The following MED13L variants were observed in gnomAD, a reference collection of about 807,000 sequenced individuals.
MED13L encodes mediator complex subunit 13L.
In MED13L, 7 loss-of-function variants were observed where a neutral mutation model predicts 220.9. The ratio of observed to expected loss-of-function variants is 0.03; its 90% CI spans 0.02 to 0.06. The LOEUF (loss-of-function observed/expected upper bound fraction) is 0.06, where lower values mean the gene tolerates loss of function less well. Ranked by LOEUF, MED13L falls within the 10% of genes least tolerant of loss-of-function variation. The pLI, the probability that MED13L is intolerant of heterozygous loss-of-function variation, is 1.00. For synonymous variants in MED13L, 1,011 were observed against 1,015.2 expected, an observed-to-expected ratio of 1.00 and a Z score of 0.08; for missense variants, 1,965 against 2,760.5, an observed-to-expected ratio of 0.71 and a Z score of 6.46.
In MED13L at chr12:116,060,885, A is replaced by G. The variant is rs529351384; in HGVS notation, c.479+35784T>C. The stretch of plus-strand genomic sequence containing the variant: ...ACTAAAGATAAATGGAAGTGAAAGC[A>G]ATGAGATGAGAAGGAAGTTATGACA... On this transcript the variant is annotated intron_variant, in intron 4 of 30. Coordinates refer to ENST00000281928, the MANE Select transcript of MED13L (RefSeq NM_015335.5). Among the ~76,000 whole-genome samples, 3 of 152,200 alleles carry G rather than the reference A, an allele frequency of 2.0e-5. No homozygotes were observed. In the South Asian group the frequency reaches 6.2e-4, roughly 32 times the overall value.
chr12:116,114,143 C>T (rs189244548), intron 2 of MED13L, among the ~76,000 whole-genome samples: 294 of 152,150 alleles, frequency 1.9e-3, no homozygotes, highest in Non-Finnish European at 3.3e-3. Flanking sequence ...GTGAAGAAAC[C>T]AGGTTACCTG....
At chr12:116,087,072 T>C (rs893269996) in intron 4 of MED13L, among the ~76,000 whole-genome samples, 2 of 152,204 alleles carry the variant, frequency 1.3e-5, no homozygotes, top group Non-Finnish European at 2.9e-5. Flanking sequence ...TTCACAAATA[T>C]TTGATTGGCA....
At chr12:116,171,846 A>G (rs1748430072) in intron 2 of MED13L, among the ~76,000 whole-genome samples, 1 of 152,156 alleles carries the variant, frequency 6.6e-6, no homozygotes, top group African/African-American at 2.4e-5. Context: ...AAAAACCTCA[A>G]TGCAGGACTT....
intron 1 of MED13L, among the ~76,000 whole-genome samples, chr12:116,262,712 C>A (rs905455381): frequency 6.6e-6 from 1 of 152,132 alleles, no homozygotes; most frequent in Non-Finnish European, 1.5e-5. Flanking sequence ...CTAAAGTCAG[C>A]TTATTAGCTT....
intron 2 of MED13L, among the ~76,000 whole-genome samples, chr12:116,136,597 G>A (rs1443177357): frequency 1.3e-5 from 2 of 152,180 alleles, no homozygotes; most frequent in African/African-American, 2.4e-5. Flanking sequence ...GAACAGGCAA[G>A]CCAAAATTAA....
intron 19 of MED13L, 146 bp from the exon 20 acceptor site, chr12:115,984,518 AC>A: frequency 2.3e-6 from 2 of 860,472 alleles, no homozygotes; most frequent in Non-Finnish European, 3.6e-6. Flanking sequence ...AACCAACATT[AC>A]AAGTTGGTCC....
At chr12:116,217,445 A>G (rs574700780) in intron 2 of MED13L, among the ~76,000 whole-genome samples, 9 of 152,336 alleles carry the variant, frequency 5.9e-5, no homozygotes, top group Admixed American at 5.9e-4. Flanking sequence ...AGTTTCAAAC[A>G]GGATTGGTAA....
chr12:116,209,845 T>C (rs1444518077), intron 2 of MED13L, among the ~76,000 whole-genome samples: 3 of 152,198 alleles, frequency 2.0e-5, no homozygotes, highest in African/African-American at 7.2e-5. Context: ...TTCTGCTCTG[T>C]CTTACCCTAT....
Position 115,968,068 on chromosome 12 carries a change from G to A in MED13L, c.6225+872C>T, listed in dbSNP as rs1464058780. On this transcript the variant is annotated intron_variant, in intron 28 of 30. Coordinates refer to ENST00000281928, the MANE Select transcript of MED13L (RefSeq NM_015335.5). ...GGAATAAAAGTCCCCCCCCCCCCCC[G>A]ATGAAAACTGAAGTCCTTTATGTCC... Among the ~76,000 whole-genome samples the A allele has an allele frequency of 1.2e-3, 13 of 11,186 alleles. 4 individuals carry two copies. Among genetic ancestry groups the A allele is most frequent in the South Asian group, 3.0e-3 (1 of 336 alleles). 7.3% of individuals were successfully genotyped at this position (11,186 alleles called of 152,430 possible).
chr12:116,109,082 TTTTTTG>T (rs1233408324), intron 3 of MED13L, among the ~76,000 whole-genome samples: 71 of 83,716 alleles, frequency 8.5e-4, no homozygotes, highest in African/African-American at 3.5e-3. Flanking sequence ...TTTTTTTTTT[TTTTTTG>T]GAAACAGGGT....
At chr12:116,037,526 T>C (rs1347092585) in intron 4 of MED13L, among the ~76,000 whole-genome samples, 1 of 152,194 alleles carries the variant, frequency 6.6e-6, no homozygotes, top group Non-Finnish European at 1.5e-5. Context: ...GCATTTCAGA[T>C]ATGGGATACT....
chr12:116,098,428 C>T (rs778988990), intron 3 of MED13L, among the ~76,000 whole-genome samples: 8 of 152,060 alleles, frequency 5.3e-5, no homozygotes, highest in Non-Finnish European at 1.0e-4. Context: ...ATACAGGGTC[C>T]TACCTACCAG....
chr12:115,972,296 G>A (rs913117424), intron 25 of MED13L, 60 bp from the exon 26 acceptor site: 3 of 1,594,402 alleles, frequency 1.9e-6, no homozygotes, highest in South Asian at 1.1e-5. Flanking sequence ...TGGGAGATTT[G>A]AGCTTTTTAG....
intron 28 of MED13L, 144 bp from the exon 29 acceptor site, chr12:115,966,387 G>GT: frequency 1.1e-6 from 1 of 934,156 alleles, no homozygotes; most frequent in South Asian, 1.4e-5. Context: ...ACTGAGAAAG[G>GT]TAAGCGGGGC....
intron 1 of MED13L, among the ~76,000 whole-genome samples, chr12:116,266,224 C>T (rs1158615928): frequency 6.6e-6 from 1 of 152,190 alleles, no homozygotes; most frequent in Non-Finnish European, 1.5e-5. Flanking sequence ...CAGAAGTCCT[C>T]ATTTAGCAAA....
Position 115,991,825 on chromosome 12 carries a change from G to C in MED13L, c.3129C>G (p.Thr1043=), listed in dbSNP as rs1157981828. ...SGAGVLPSPA[T]PRFSVPTPRT... The stretch of plus-strand genomic sequence containing the variant: ...GTGGTGTGGGGACAGAGAAGCGAGG[G>C]GTTGCTGGAGATGGTAGGACTCCTG... The change falls in exon 17 of 31, where the codon ACC becomes ACG. Residue 1043 remains threonine (T), a synonymous_variant. Coordinates refer to ENST00000281928, the MANE Select transcript of MED13L (RefSeq NM_015335.5). The surrounding 1 kb of genome is among the most constrained non-coding windows in gnomAD (Gnocchi z 7.7). The C allele has an allele frequency of 1.9e-6, 3 of 1,612,544 alleles. No homozygotes were observed. The highest frequency in any genetic ancestry group is 1.3e-5 in the African/African-American group (1 of 74,856).
intron 2 of MED13L, among the ~76,000 whole-genome samples, chr12:116,209,195 A>C (rs958082092): frequency 3.9e-5 from 6 of 152,174 alleles, no homozygotes; most frequent in African/African-American, 1.2e-4. Flanking sequence ...ATGGTTTTTT[A>C]AATTGCCAAC....
chr12:116,130,753 TTCAG>T (rs923167107), intron 2 of MED13L, among the ~76,000 whole-genome samples: 8 of 152,152 alleles, frequency 5.3e-5, no homozygotes, highest in African/African-American at 1.4e-4. Flanking sequence ...AATACTGGCA[TTCAG>T]TAAGTAGCTG....
At chr12:116,028,769 T>C (rs548999205) in intron 4 of MED13L, among the ~76,000 whole-genome samples, 64 of 152,298 alleles carry the variant, frequency 4.2e-4, no homozygotes, top group African/African-American at 1.4e-3. Flanking sequence ...ACTTGACAAG[T>C]ATTCCACGCC....
Sources: allele counts gnomAD v4.1 joint callset (sites outside exome capture counted in the v4.1 genomes callset), GRCh38; gene constraint gnomAD v4.1.1; non-coding constraint Gnocchi (gnomAD v3.1); transcripts MANE v1.5; gene names NCBI Gene and HGNC (gene_info 2026-07-23, HGNC 2026-07-21).